Variants in PEAK1 observed in about 807,000 individuals in gnomAD.
The protein encoded by PEAK1 is inactive tyrosine-protein kinase PEAK1.
In PEAK1, 54 loss-of-function variants were observed where a neutral mutation model predicts 124.7. The observed-to-expected ratio is 0.43, with a 90% CI of 0.35 to 0.54. The LOEUF (loss-of-function observed/expected upper bound fraction) is 0.54, where lower values mean the gene tolerates loss of function less well. PEAK1 is among the 20% of genes least tolerant of loss of function. PEAK1 has a pLI of 0.01. For synonymous variants in PEAK1, 719 were observed against 760.0 expected (o/e 0.95, Z 0.89); for missense variants, 2,046 against 2,134.5 (o/e 0.96, Z 0.82).
In PEAK1 at chr15:77,114,347, G is replaced by A; in HGVS notation, c.5050C>T (p.Leu1684=). ...TGGAGCAGGGTGTTCCTCTGTACTA[G>A]GCTAGGGCAGGCGGTGAAAGTCTGG... ...LFQTFTACPS[L]VQRNTLLQNW... The change falls in exon 10 of 10, where the codon CTA becomes TTA. Residue 1684 remains leucine, a synonymous_variant. Coordinates refer to ENST00000682557, the MANE Select transcript of PEAK1 (RefSeq NM_001385026.1). 1.9e-6 allele frequency: 3 copies of A among 1,614,206 alleles called. No individual in the cohort carries two copies. Among genetic ancestry groups the A allele is most frequent in the Non-Finnish European group, 2.5e-6 (3 of 1,180,036 alleles).
At chr15:77,342,543 C>A (rs559566771) in intron 2 of PEAK1, among the ~76,000 whole-genome samples, 6 of 151,722 alleles carry the variant, frequency 4.0e-5, no homozygotes, top group African/African-American at 1.5e-4. Context: ...GTAGTTGGGG[C>A]TACAGGCAGG....
rs183467701 is a variant in PEAK1, at chr15:77,313,656, G to A, written c.-602-27152C>T. 7.5e-3 allele frequency among the ~76,000 whole-genome samples: 700 copies of A among 92,936 alleles called. 3 individuals are homozygous for A. The highest frequency in any genetic ancestry group is 0.019 in the Middle Eastern group (4 of 216). 61.0% of individuals were successfully genotyped at this position (92,936 alleles called of 152,430 possible). On this transcript the variant is annotated intron_variant, in intron 2 of 9. Transcript: ENST00000682557. ...AATGTATGTATGTATGTATGTATGT[G>A]TGTGTGTGTGTGTGTGTGTGTGTGT...
intron 5 of PEAK1, among the ~76,000 whole-genome samples, chr15:77,253,248 G>GGT (rs530500537): frequency 4.9e-4 from 73 of 150,416 alleles, no homozygotes; most frequent in Middle Eastern, 3.4e-3. Context: ...TATGCGTTGG[G>GGT]GGGGGGGTGG....
At chr15:77,266,326 G>A (rs1465243828) in intron 5 of PEAK1, among the ~76,000 whole-genome samples, 1 of 151,796 alleles carries the variant, frequency 6.6e-6, no homozygotes, top group Admixed American at 6.6e-5. Context: ...TTACTCCTAG[G>A]TATTTACTCC....
At chr15:77,221,438 T>G (rs557938702) in intron 6 of PEAK1, among the ~76,000 whole-genome samples, 4 of 152,202 alleles carry the variant, frequency 2.6e-5, no homozygotes, top group African/African-American at 7.2e-5. Flanking sequence ...TGGTAATACG[T>G]GTAGATATTT....
chr15:77,198,345 G>A (rs1476433461), intron 6 of PEAK1, among the ~76,000 whole-genome samples: 3 of 152,154 alleles, frequency 2.0e-5, no homozygotes, highest in Non-Finnish European at 4.4e-5. Context: ...GTGCAATGCT[G>A]TAAACCTTAA....
intron 6 of PEAK1, among the ~76,000 whole-genome samples, chr15:77,241,085 C>T (rs2060336263): frequency 6.6e-6 from 1 of 152,094 alleles, no homozygotes; most frequent in Non-Finnish European, 1.5e-5. Context: ...CTCATAAACA[C>T]AAACATCTCA....
At chr15:77,358,675 C>A (rs969136584) in intron 2 of PEAK1, among the ~76,000 whole-genome samples, 1 of 152,144 alleles carries the variant, frequency 6.6e-6, no homozygotes, top group Non-Finnish European at 1.5e-5. Flanking sequence ...GAAACATACA[C>A]AAACAATCAC....
chr15:77,230,016 T>C (rs1481713250), intron 6 of PEAK1, among the ~76,000 whole-genome samples: 2 of 152,280 alleles, frequency 1.3e-5, no homozygotes, highest in African/African-American at 2.4e-5. Context: ...AGCTATGACA[T>C]GGTATATACA....
At chr15:77,303,343 C>T (rs1193173461) in intron 2 of PEAK1, among the ~76,000 whole-genome samples, 2 of 152,188 alleles carry the variant, frequency 1.3e-5, no homozygotes, top group Non-Finnish European at 2.9e-5. Flanking sequence ...ACCAAAGTGG[C>T]TGTAACATTT....
intron 2 of PEAK1, among the ~76,000 whole-genome samples, chr15:77,299,905 C>T (rs2063701289): frequency 6.6e-6 from 1 of 152,174 alleles, no homozygotes; most frequent in Non-Finnish European, 1.5e-5. Flanking sequence ...ATTCAAAGAG[C>T]TACGATTTGA....
chr15:77,115,870 C>G (rs2051324028), intron 9 of PEAK1, among the ~76,000 whole-genome samples: 1 of 152,156 alleles, frequency 6.6e-6, no homozygotes, highest in African/African-American at 2.4e-5. Flanking sequence ...GTTTTCCTAA[C>G]TTTTCAATGA....
At position 77,266,300 on chromosome 15, in the gene PEAK1, A is replaced by G. The variant is rs531594884; in HGVS notation, c.-274-13774T>C. Among the ~76,000 whole-genome samples, 482 of 152,204 alleles carry G rather than the reference A, an allele frequency of 3.2e-3. 3 individuals carry two copies. The highest frequency in any genetic ancestry group is 5.4e-3 in the Non-Finnish European group (367 of 67,980). On this transcript the variant is annotated intron_variant, in intron 5 of 9. Transcript: ENST00000682557. ...ATACAATAAAATTTAAAAACTAATC[A>G]AAGAACCAAATAATTTTACTCCTAG...
At chr15:77,292,873 G>C (rs947042984) in intron 2 of PEAK1, among the ~76,000 whole-genome samples, 4 of 152,128 alleles carry the variant, frequency 2.6e-5, no homozygotes, top group Non-Finnish European at 4.4e-5. Context: ...GGAAAGGCAA[G>C]TTATAGAACT....
chr15:77,312,328 C>T (rs753833294), intron 2 of PEAK1, among the ~76,000 whole-genome samples: 6 of 152,164 alleles, frequency 3.9e-5, no homozygotes, highest in Admixed American at 6.5e-5. Flanking sequence ...CTATTCTGTA[C>T]ATCATTATTA....
chr15:77,191,436 T>A (rs909617597), intron 6 of PEAK1, among the ~76,000 whole-genome samples: 1 of 152,186 alleles, frequency 6.6e-6, no homozygotes, highest in Non-Finnish European at 1.5e-5. Context: ...AATTGGGCAC[T>A]TGGGAAGCTA....
At chr15:77,368,898 A>G (rs928020520) in intron 1 of PEAK1, among the ~76,000 whole-genome samples, 1 of 152,190 alleles carries the variant, frequency 6.6e-6, no homozygotes, top group Non-Finnish European at 1.5e-5. Flanking sequence ...CAAAAGAGAA[A>G]GAACATATAT....
intron 6 of PEAK1, among the ~76,000 whole-genome samples, chr15:77,206,511 T>C (rs1300541969): frequency 5.3e-5 from 8 of 150,942 alleles, no homozygotes; most frequent in Admixed American, 4.0e-4. Flanking sequence ...TTTTTAATGA[T>C]TGCCATTCTA....
chr15:77,204,406 A>G (rs983957542), intron 6 of PEAK1, among the ~76,000 whole-genome samples: 1 of 152,232 alleles, frequency 6.6e-6, no homozygotes, highest in Non-Finnish European at 1.5e-5. Context: ...GCATTTACCC[A>G]AAAGAGCTGA....
Sources: allele counts gnomAD v4.1 joint callset (sites outside exome capture counted in the v4.1 genomes callset), GRCh38; gene constraint gnomAD v4.1.1; transcripts MANE v1.5; gene names NCBI Gene and HGNC (gene_info 2026-07-23, HGNC 2026-07-21).